CORO2B: variants seen among roughly 807,000 people sequenced by gnomAD.
CORO2B encodes the protein coronin-2B.
CORO2B carries 26 observed loss-of-function variants against 58.8 expected under a neutral mutation model. That is an observed-to-expected ratio of 0.44 (90% CI 0.32 to 0.61). The LOEUF (loss-of-function observed/expected upper bound fraction) is 0.61. Among genes scored for constraint, CORO2B ranks in the 20% least tolerant of loss-of-function variants. CORO2B has a pLI of 0.04. For synonymous variants in CORO2B, 242 were observed against 253.8 expected (o/e 0.95, Z 0.44); for missense variants, 460 against 645.1 (o/e 0.71, Z 3.11).
At chr15:68,550,648 A>G in the CORO2B span, among the ~76,000 whole-genome samples, 11 of 152,212 alleles carry the variant, frequency 7.2e-5, no homozygotes, top group African/African-American at 2.7e-4. Flanking sequence ...GGTTCACCTT[A>G]GAAGGGACAG....
intron 3 of CORO2B, among the ~76,000 whole-genome samples, chr15:68,708,000 T>C (rs1334937944): frequency 6.6e-6 from 1 of 150,726 alleles, no homozygotes; most frequent in East Asian, 2.0e-4. Flanking sequence ...TACTAGAGGG[T>C]TGGAGCCACC....
chr15:68,615,209 G>A (rs969493127), intron 1 of CORO2B, among the ~76,000 whole-genome samples: 1 of 152,304 alleles, frequency 6.6e-6, no homozygotes, highest in South Asian at 2.1e-4. Flanking sequence ...GTCATTAACT[G>A]GGTCTCTCTG....
intron 1 of CORO2B, among the ~76,000 whole-genome samples, chr15:68,632,701 G>A (rs1389653972): frequency 1.3e-5 from 2 of 152,090 alleles, no homozygotes; most frequent in Non-Finnish European, 1.5e-5. Flanking sequence ...AGTGATTCTC[G>A]TACCTCAGCC....
intron 1 of CORO2B, among the ~76,000 whole-genome samples, chr15:68,596,757 C>T (rs1233199651): frequency 6.6e-6 from 1 of 152,172 alleles, no homozygotes; most frequent in Non-Finnish European, 1.5e-5. Flanking sequence ...AGGGGTACAA[C>T]ACAGCAGGCA....
At chr15:68,579,796 C>T (rs1899382261) in intron 1 of CORO2B, among the ~76,000 whole-genome samples, 1 of 152,210 alleles carries the variant, frequency 6.6e-6, no homozygotes, top group Non-Finnish European at 1.5e-5. Flanking sequence ...GCTGCCCAGT[C>T]CCGGGAGCCG....
At chr15:68,525,773 A>T in the CORO2B span, among the ~76,000 whole-genome samples, 1 of 152,212 alleles carries the variant, frequency 6.6e-6, no homozygotes, top group Admixed American at 6.5e-5. Flanking sequence ...ACTTTATTAA[A>T]TTATAACGTG....
the CORO2B span, among the ~76,000 whole-genome samples, chr15:68,554,129 G>A: frequency 6.6e-6 from 1 of 152,168 alleles, no homozygotes; most frequent in East Asian, 1.9e-4. Flanking sequence ...GGGCTTGTCG[G>A]GCCCTGGTAC....
At chr15:68,542,560 C>T in the CORO2B span, among the ~76,000 whole-genome samples, 3 of 152,352 alleles carry the variant, frequency 2.0e-5, no homozygotes, top group South Asian at 6.2e-4. Flanking sequence ...CAACAACCAC[C>T]CTTAAAATCA....
In CORO2B at chr15:68,725,916, G is replaced by A. The variant is rs761554395; in HGVS notation, c.1385G>A (p.Arg462His). The A allele has an allele frequency of 3.1e-5, 50 of 1,613,860 alleles. 1 individual carries two copies. The South Asian group carries it at 3.8e-4, about 12-fold the overall frequency. The change falls in exon 12 of 12, where the codon CGC (arginine) becomes CAC (histidine). Residue 462 changes from arginine (R) to histidine (H), a missense_variant. By Grantham distance (29) the Arg-to-His change is conservative. Transcript: ENST00000261861. Reference sequence around the variant, plus strand: ...GAGGAGCTGGCCCAGAAGGACATCCGCATTCGGCAGCTCCAGCTGGAACTG... The same window carrying A: ...GAGGAGCTGGCCCAGAAGGACATCCACATTCGGCAGCTCCAGCTGGAACTG... ...LKEELAQKDI[R>H]IRQLQLELKN... is the part of the protein sequence containing the mutation.
At chr15:68,697,048 C>T (rs979344901) in intron 3 of CORO2B, among the ~76,000 whole-genome samples, 10 of 152,224 alleles carry the variant, frequency 6.6e-5, no homozygotes, top group Non-Finnish European at 1.3e-4. Flanking sequence ...GCATCCAGCA[C>T]AGGGCCTGGT....
At chr15:68,649,090 T>A (rs1429721792) in intron 2 of CORO2B, among the ~76,000 whole-genome samples, 1 of 152,216 alleles carries the variant, frequency 6.6e-6, no homozygotes, top group Non-Finnish European at 1.5e-5. Context: ...GGTAACAAAA[T>A]GTTTTACACT....
chr15:68,690,112 T>G (rs8033543), intron 2 of CORO2B, among the ~76,000 whole-genome samples: 95,449 of 152,142 alleles, frequency 0.63, 31,971 homozygotes, highest in East Asian at 0.86. Context: ...TACATTTGCA[T>G]AGTGGAAATA....
chr15:68,593,138 T>A (rs1899745757), intron 1 of CORO2B, among the ~76,000 whole-genome samples: 1 of 152,164 alleles, frequency 6.6e-6, no homozygotes, highest in Non-Finnish European at 1.5e-5. Context: ...ATCACATTAA[T>A]TAATTTGTGA....
intron 1 of CORO2B, among the ~76,000 whole-genome samples, chr15:68,632,757 A>AT (rs1436488160): frequency 5.3e-5 from 8 of 152,080 alleles, no homozygotes; most frequent in Admixed American, 1.3e-4. Context: ...CGCTTGGCTA[A>AT]TTTTTTGTAT....
At chr15:68,714,708 C>A (rs1196595569) in intron 7 of CORO2B, 45 bp downstream of exon 7, 2 of 1,467,314 alleles carry the variant, frequency 1.4e-6, no homozygotes, top group East Asian at 2.3e-5. Context: ...GTGGGAGAGC[C>A]CTACCCTCAA....
Position 68,635,548 on chromosome 15 carries a change from G to A in CORO2B, c.16-9612G>A, listed in dbSNP as rs960634215. On this transcript the variant is annotated intron_variant, in intron 1 of 11. Coordinates refer to ENST00000261861, the MANE Select transcript of CORO2B (RefSeq NM_006091.5). ...GGGCAGGAAGCTTGCAGTGTGGACCGGTCATCCAGAGACAAGTCACTCCTC... is the reference window on the plus strand; with the variant it reads ...GGGCAGGAAGCTTGCAGTGTGGACCAGTCATCCAGAGACAAGTCACTCCTC... Among the ~76,000 whole-genome samples, 9 of 152,144 alleles carry A rather than the reference G, an allele frequency of 5.9e-5. No homozygotes were observed. In the South Asian group the frequency reaches 8.3e-4, roughly 14 times the overall value.
intron 1 of CORO2B, chr15:68,632,075 T>C: frequency 1.0e-6 from 1 of 985,488 alleles, no homozygotes; most frequent in South Asian, 4.7e-5. Flanking sequence ...GCCTCTCAGA[T>C]GCCTGGAATT....
chr15:68,535,735 C>A, the CORO2B span, among the ~76,000 whole-genome samples: 2 of 152,116 alleles, frequency 1.3e-5, no homozygotes, highest in African/African-American at 2.4e-5. Flanking sequence ...ACTTAGGAAC[C>A]AGAGACCAGG....
chr15:68,700,446 C>A (rs1191742538), intron 3 of CORO2B, among the ~76,000 whole-genome samples: 1 of 149,324 alleles, frequency 6.7e-6, no homozygotes, highest in Non-Finnish European at 1.5e-5. Flanking sequence ...TCCCCATATC[C>A]CCCAGCCCTG....
Sources: gnomAD v4.1 joint callset for allele counts (sites outside exome capture counted in the v4.1 genomes callset) on GRCh38, gnomAD v4.1.1 for gene constraint, MANE v1.5 for transcripts, NCBI Gene and HGNC (gene_info 2026-07-23, HGNC 2026-07-21) for gene names.